Variants in TEF observed in about 807,000 individuals in gnomAD.
The protein encoded by TEF is TEF transcription factor, PAR bZIP family member, also known as thyrotroph embryonic factor.
TEF carries 3 observed loss-of-function variants against 20.8 expected under a neutral mutation model. The observed-to-expected ratio is 0.14, with a 90% CI of 0.07 to 0.37. The LOEUF is 0.37. Among genes scored for constraint, TEF ranks in the 10% least tolerant of loss-of-function variants. TEF has a pLI of 1.00. For missense variants in TEF, 296 were observed against 397.9 expected, an observed-to-expected ratio of 0.74 and a Z score of 2.18; for synonymous variants, 180 against 171.1, an observed-to-expected ratio of 1.05 and a Z score of -0.41.
chr22:41,381,006 G>A (rs1482067762), upstream of TEF, among the ~76,000 whole-genome samples: 1 of 152,244 alleles, frequency 6.6e-6, no homozygotes, highest in Admixed American at 6.5e-5. Flanking sequence ...CTTTCCCAAG[G>A]TCATAAGCTA....
At chr22:41,367,736 G>A (rs1461305279) in intron 1 of TEF, 2 of 810,384 alleles carry the variant, frequency 2.5e-6, no homozygotes, top group African/African-American at 3.5e-5. Flanking sequence ...TGGTCTCAGG[G>A]TGCAGAGTGC....
At chr22:41,374,600 G>A (rs73416869) in intron 1 of TEF, among the ~76,000 whole-genome samples, 1,755 of 151,208 alleles carry the variant, frequency 0.012, 32 homozygotes, top group African/African-American at 0.041. Flanking sequence ...CCTGAAATCC[G>A]AGCTACTCTG....
chr22:41,369,873 G>A (rs773940254), intron 1 of TEF: 59 of 982,386 alleles, frequency 6.0e-5, no homozygotes, highest in South Asian at 2.8e-4. Context: ...TGCTGCTCCC[G>A]TCCAGTGGAA....
upstream of TEF, chr22:41,381,924 G>A (rs1447860550): frequency 1.6e-6 from 2 of 1,226,272 alleles, no homozygotes; most frequent in East Asian, 3.2e-5. Flanking sequence ...GGAGGCGGGG[G>A]CGCCATTGGG....
chr22:41,378,761 C>T (rs1025516426), upstream of TEF, among the ~76,000 whole-genome samples: 2 of 152,146 alleles, frequency 1.3e-5, no homozygotes, highest in Non-Finnish European at 2.9e-5. Context: ...GGTGAGCCAC[C>T]ACGCCCAGCC....
At chr22:41,367,622 T>C (rs1180924290) in intron 1 of TEF, 29 of 1,550,022 alleles carry the variant, frequency 1.9e-5, no homozygotes, top group African/African-American at 2.7e-5. Flanking sequence ...GTGACCTGCA[T>C]TGATTGGCTG....
At position 41,392,640 on chromosome 22, in the gene TEF, C is replaced by T. The variant is rs1281460989; in HGVS notation, c.476-1456C>T. Among the ~76,000 whole-genome samples the T allele has an allele frequency of 2.1e-5, 3 of 140,880 alleles. No individual in the cohort carries two copies. In the East Asian group the frequency reaches 6.1e-4, roughly 29 times the overall value. 92.4% of individuals were successfully genotyped at this position (140,880 alleles called of 152,430 possible). A position where few individuals can be genotyped will look rare whatever the true frequency, so the allele number is the denominator to read the frequency against. ...AGTGAGCTGAGATCACGCCACTACA[C>T]TCCACCCTGGGAAACAGAGTGAGAC... is the stretch of plus-strand genomic sequence containing the variant. On this transcript the variant is annotated intron_variant, in intron 2 of 3. Coordinates refer to ENST00000266304, the MANE Select transcript of TEF (RefSeq NM_003216.4).
Position 41,391,231 on chromosome 22 carries a change from G to A in TEF, c.476-2865G>A, listed in dbSNP as rs1035408874. ...GAGCCCTCCAGGTGTTCTATCTCAG[G>A]ATAAAAGTCAGAATCAGCAGCACCA... is the stretch of plus-strand genomic sequence containing the variant. On this transcript the variant is annotated intron_variant, in intron 2 of 3. Coordinates refer to ENST00000266304, the MANE Select transcript of TEF (RefSeq NM_003216.4). Among the ~76,000 whole-genome samples, 41 of 152,118 alleles carry A rather than the reference G, an allele frequency of 2.7e-4. 2 individuals are homozygous for A. The highest frequency in any genetic ancestry group is 2.9e-5 in the Non-Finnish European group (2 of 68,032).
Position 41,387,983 on chromosome 22 carries a change from CTTTTTTTT to C in TEF, c.475+340_475+347del, listed in dbSNP as rs530707936. 1.2e-4 allele frequency among the ~76,000 whole-genome samples: 6 copies of C among 50,114 alleles called. 1 individual carries two copies. Among genetic ancestry groups the C allele is most frequent in the African/African-American group, 3.3e-4 (4 of 11,992 alleles). 32.9% of individuals were successfully genotyped at this position (50,114 alleles called of 152,430 possible). A position where few individuals can be genotyped will look rare whatever the true frequency, so the allele number is the denominator to read the frequency against. ...CATTCTGCATTTCCTCAATGCTGCT[CTTTTTTTT>C]TTTTTTTTTTTTTTTTTTTTTTTTG... On this transcript the variant is annotated intron_variant, in intron 2 of 3. Transcript: ENST00000266304.
upstream of TEF, among the ~76,000 whole-genome samples, chr22:41,380,037 AT>A (rs1411151189): frequency 5.9e-5 from 9 of 152,196 alleles, no homozygotes; most frequent in Non-Finnish European, 1.3e-4. Context: ...GAATTTTGGA[AT>A]CAGACCTATC....
At chr22:41,383,938 C>A (rs2037064915) in intron 1 of TEF, among the ~76,000 whole-genome samples, 1 of 152,214 alleles carries the variant, frequency 6.6e-6, no homozygotes, top group Non-Finnish European at 1.5e-5. Flanking sequence ...CCCACCCAGC[C>A]CACCAAGGCT....
chr22:41,395,900 G>A lies in TEF; in HGVS notation c.852G>A (p.Lys284=). Residue 284 remains lysine (K), a synonymous_variant, in exon 4 of 4, where the codon AAG becomes AAA. Transcript: ENST00000266304. ...ALRTEVAELR[K]EVGKCKTIVS... ...GGACGGAGGTGGCCGAGCTACGCAA[G>A]GAGGTGGGCAAGTGCAAGACCATCG... is the stretch of plus-strand genomic sequence containing the variant. 1.9e-6 allele frequency: 3 copies of A among 1,614,168 alleles called. No homozygotes were observed. Among genetic ancestry groups the A allele is most frequent in the Non-Finnish European group, 8.5e-7 (1 of 1,180,024 alleles).
chr22:41,391,331 CTTTTTTTTTTT>C (rs566421536), intron 2 of TEF, among the ~76,000 whole-genome samples: 3 of 142,334 alleles, frequency 2.1e-5, no homozygotes, highest in Admixed American at 2.1e-4. Flanking sequence ...ATCTTCTTTT[CTTTTTTTTTTT>C]TTTAAGACAG....
Position 41,396,170 on chromosome 22 carries a change from G to T in TEF, c.*210G>T. On this transcript the variant is annotated 3_prime_UTR_variant, in exon 4 of 4. Coordinates refer to ENST00000266304, the MANE Select transcript of TEF (RefSeq NM_003216.4). ...AGGGGCCAGTCTCCTCACTGGTGGGGAACGCAAGAGAATCTGCGTAGATGG... is the reference window on the plus strand; with the variant it reads ...AGGGGCCAGTCTCCTCACTGGTGGGTAACGCAAGAGAATCTGCGTAGATGG... The T allele has an allele frequency of 1.8e-6, 1 of 559,948 alleles. No homozygotes were observed. The highest frequency in any genetic ancestry group is 3.2e-6 in the Non-Finnish European group (1 of 313,834). The allele number at this position is 559,948 out of a possible 1,614,324, so 34.7% of individuals were successfully genotyped here.
rs1033991378 is a variant in TEF, at chr22:41,394,467, C to T, written c.696+151C>T. The T allele has an allele frequency of 8.9e-6, 7 of 783,494 alleles. No individual in the cohort carries two copies. In the African/African-American group the frequency reaches 1.2e-4, roughly 14 times the overall value. The allele number at this position is 783,494 out of a possible 1,614,324, so 48.5% of individuals were successfully genotyped here. ...GTTTAGTGCTTAAAGCCATATCCTT[C>T]AGCAGTTTGGTAGAAAGAAAGGGAG... On this transcript the variant is annotated intron_variant, in intron 3 of 3. Transcript: ENST00000266304.
chr22:41,381,794 G>A, upstream of TEF: 2 of 997,066 alleles, frequency 2.0e-6, no homozygotes, highest in Non-Finnish European at 2.6e-6. Context: ...ACGGCCCGAG[G>A]ATCTGCGCCT....
chr22:41,393,393 C>T (rs2037189870), intron 2 of TEF, among the ~76,000 whole-genome samples: 1 of 151,432 alleles, frequency 6.6e-6, no homozygotes, highest in Non-Finnish European at 1.5e-5. Context: ...TCTGTGTCTG[C>T]CTGGAGAGAC....
intron 1 of TEF, among the ~76,000 whole-genome samples, chr22:41,374,127 C>T (rs745817047): frequency 6.6e-6 from 1 of 151,752 alleles, no homozygotes; most frequent in Non-Finnish European, 1.5e-5. Context: ...AAATCATGGC[C>T]GGGCGCAGTG....
In TEF at chr22:41,396,552, G is replaced by GGCTTGGA. The variant is rs1160496268; in HGVS notation, c.*598_*599insAGCTTGG. On this transcript the variant is annotated 3_prime_UTR_variant, in exon 4 of 4. Coordinates refer to ENST00000266304, the MANE Select transcript of TEF (RefSeq NM_003216.4). ...GGGGTCTCTGCACAGCCTGGGATGG[G>GGCTTGGA]GCTTGGGGCTGGGGCCTGCAGCAGA... 6 of 174,744 alleles carry GGCTTGGA rather than the reference G, an allele frequency of 3.4e-5. No homozygotes were observed. The highest frequency in any genetic ancestry group is 1.4e-4 in the African/African-American group (6 of 42,400). 10.8% of individuals were successfully genotyped at this position (174,744 alleles called of 1,614,324 possible).
Sources: allele counts gnomAD v4.1 joint callset (sites outside exome capture counted in the v4.1 genomes callset), GRCh38; gene constraint gnomAD v4.1.1; transcripts MANE v1.5; gene names NCBI Gene and HGNC (gene_info 2026-07-23, HGNC 2026-07-21).